The following NELL1 variants were observed in gnomAD, a reference collection of about 807,000 sequenced individuals.
NELL1 encodes the protein neural EGFL like 1, also known as protein kinase C-binding protein NELL1.
In NELL1, 76 loss-of-function variants were observed where a neutral mutation model predicts 107.4. The observed-to-expected ratio is 0.71, with a 90% CI of 0.59 to 0.86. NELL1 has a LOEUF of 0.86. Among genes scored for constraint, NELL1 ranks in the 40% least tolerant of loss-of-function variants. NELL1 has a pLI of 0.00. For missense variants in NELL1, 1,024 were observed against 1,005.5 expected (o/e 1.02, Z -0.25); for synonymous variants, 353 against 341.2 (o/e 1.03, Z -0.38).
At chr11:20,828,877 A>G (rs547002460) in intron 3 of NELL1, among the ~76,000 whole-genome samples, 9 of 152,282 alleles carry the variant, frequency 5.9e-5, no homozygotes, top group South Asian at 2.1e-4. Flanking sequence ...GAATAACTCA[A>G]TCCGTGAGGA....
chr11:21,461,298 G>C (rs982575680), intron 15 of NELL1, among the ~76,000 whole-genome samples: 4 of 152,060 alleles, frequency 2.6e-5, no homozygotes, highest in African/African-American at 9.7e-5. Context: ...CCACTTATTA[G>C]TAGTTTCTAC....
intron 12 of NELL1, among the ~76,000 whole-genome samples, chr11:21,055,597 G>T (rs10833450): frequency 0.35 from 53,323 of 151,868 alleles, 11,348 homozygotes; most frequent in East Asian, 0.69. Context: ...TCTGTTATCT[G>T]TTCTAATTGA....
At chr11:20,749,706 T>C (rs968288376) in intron 2 of NELL1, among the ~76,000 whole-genome samples, 1 of 152,280 alleles carries the variant, frequency 6.6e-6, no homozygotes, top group African/African-American at 2.4e-5. Context: ...TATACACCCA[T>C]AAAACCATCA....
intron 12 of NELL1, among the ~76,000 whole-genome samples, chr11:21,027,997 G>C (rs546450166): frequency 6.6e-6 from 1 of 152,210 alleles, no homozygotes; most frequent in African/African-American, 2.4e-5. Context: ...TAAAAAGTTA[G>C]GTGTATTCAA....
Position 21,481,759 on chromosome 11 carries a change from C to T in NELL1, c.1646-52615C>T, listed in dbSNP as rs527284521. On this transcript the variant is annotated intron_variant, in intron 15 of 19. Coordinates refer to ENST00000357134, the MANE Select transcript of NELL1 (RefSeq NM_006157.5). The stretch of plus-strand genomic sequence containing the variant: ...GGATTGCCTGGCAATCTGGGCTAGC[C>T]CCACAATGCCCAAAACAGAACTGAC... Among the ~76,000 whole-genome samples the T allele has an allele frequency of 3.9e-5, 6 of 152,182 alleles. No homozygotes were observed. The South Asian group carries it at 1.2e-3, about 32-fold the overall frequency.
At chr11:20,695,720 ATG>A (rs1854597014) in intron 2 of NELL1, among the ~76,000 whole-genome samples, 1 of 151,908 alleles carries the variant, frequency 6.6e-6, no homozygotes, top group African/African-American at 2.4e-5. Context: ...TAGGGTAGGG[ATG>A]TTGGCTTATA....
intron 2 of NELL1, among the ~76,000 whole-genome samples, chr11:20,738,850 C>G (rs1051002175): frequency 6.6e-6 from 1 of 152,158 alleles, no homozygotes; most frequent in Non-Finnish European, 1.5e-5. Flanking sequence ...TGGTCTTTAA[C>G]CCCAGGAAGT....
intron 12 of NELL1, among the ~76,000 whole-genome samples, chr11:21,109,018 A>G (rs1159234856): frequency 6.6e-6 from 1 of 152,130 alleles, no homozygotes; most frequent in Non-Finnish European, 1.5e-5. Context: ...AACAATGACA[A>G]CTTTGTGGTC....
chr11:20,859,746 T>C (rs1848944375), intron 4 of NELL1, among the ~76,000 whole-genome samples: 1 of 152,186 alleles, frequency 6.6e-6, no homozygotes, highest in African/African-American at 2.4e-5. Context: ...TTATTGCTTC[T>C]TTTATTGGCA....
intron 13 of NELL1, among the ~76,000 whole-genome samples, chr11:21,129,442 G>A (rs1855565797): frequency 2.0e-5 from 3 of 152,158 alleles, no homozygotes; most frequent in African/African-American, 7.2e-5. Context: ...GTAGGGTCTT[G>A]AAGAGATATT....
intron 15 of NELL1, among the ~76,000 whole-genome samples, chr11:21,411,693 G>A (rs997456228): frequency 6.6e-6 from 1 of 152,000 alleles, no homozygotes; most frequent in Non-Finnish European, 1.5e-5. Context: ...TATCTACAAT[G>A]GACAAATATT....
chr11:21,486,744 A>C (rs1414429186), intron 15 of NELL1, among the ~76,000 whole-genome samples: 1 of 152,178 alleles, frequency 6.6e-6, no homozygotes, highest in African/African-American at 2.4e-5. Context: ...AATTCAGGAT[A>C]TGAATTTAAA....
At chr11:20,706,209 C>G (rs1854949036) in intron 2 of NELL1, among the ~76,000 whole-genome samples, 1 of 152,166 alleles carries the variant, frequency 6.6e-6, no homozygotes, top group Admixed American at 6.6e-5. Flanking sequence ...TATAAAGACA[C>G]ATGCACACAT....
At chr11:20,744,629 C>G (rs962683630) in intron 2 of NELL1, among the ~76,000 whole-genome samples, 1 of 152,230 alleles carries the variant, frequency 6.6e-6, no homozygotes, top group Non-Finnish European at 1.5e-5. Context: ...GCAGCACATA[C>G]TCAGGGCAGA....
At chr11:21,309,286 A>ATATATATATGTATATATATATATATG (rs1849688068) in intron 14 of NELL1, among the ~76,000 whole-genome samples, 2 of 109,206 alleles carry the variant, frequency 1.8e-5, no homozygotes, top group African/African-American at 8.9e-5. Context: ...ATATGTATAT[A>ATATATATATGTATATATATATATATG]TATATATATA....
chr11:20,812,799 G>C (rs372105344), intron 3 of NELL1, among the ~76,000 whole-genome samples: 2 of 151,534 alleles, frequency 1.3e-5, no homozygotes, highest in Non-Finnish European at 2.9e-5. Flanking sequence ...ACGAGGTCAG[G>C]AGATCGAGAC....
intron 14 of NELL1, among the ~76,000 whole-genome samples, chr11:21,326,070 T>TTTTTTG (rs1850128678): frequency 2.0e-5 from 2 of 100,454 alleles, no homozygotes; most frequent in African/African-American, 8.0e-5. Flanking sequence ...TTTTTTTTTT[T>TTTTTTG]TTTTTTTTTT....
intron 12 of NELL1, among the ~76,000 whole-genome samples, chr11:20,993,555 G>T (rs535238569): frequency 4.6e-5 from 7 of 152,206 alleles, no homozygotes; most frequent in African/African-American, 1.4e-4. Context: ...GTGGGGGATT[G>T]GTTTCAGGAC....
intron 11 of NELL1, among the ~76,000 whole-genome samples, chr11:20,959,214 T>C (rs547565483): frequency 7.2e-5 from 11 of 152,314 alleles, no homozygotes; most frequent in African/African-American, 1.9e-4. Flanking sequence ...TCTTCACTGC[T>C]GGTGGGAATG....
Sources: allele counts gnomAD v4.1 joint callset (sites outside exome capture counted in the v4.1 genomes callset), GRCh38; gene constraint gnomAD v4.1.1; transcripts MANE v1.5; gene names NCBI Gene and HGNC (gene_info 2026-07-23, HGNC 2026-07-21).